The following SPTLC3 variants were observed in gnomAD, a reference collection of about 807,000 sequenced individuals.
SPTLC3 encodes serine palmitoyltransferase 3.
In SPTLC3, 36 loss-of-function variants were observed where a neutral mutation model predicts 59.3. That is an observed-to-expected ratio of 0.61 (90% CI 0.47 to 0.80). The LOEUF is 0.80. Ranked by LOEUF, SPTLC3 falls within the 30% of genes least tolerant of loss-of-function variation. The pLI is 0.00. For missense variants in SPTLC3, 625 were observed against 685.1 expected (o/e 0.91, Z 0.98); for synonymous variants, 257 against 240.8 (o/e 1.07, Z -0.62).
chr20:13,095,882 G>A (rs1568599528), intron 6 of SPTLC3, among the ~76,000 whole-genome samples: 1 of 152,104 alleles, frequency 6.6e-6, no homozygotes, highest in Non-Finnish European at 1.5e-5. Context: ...CATTTATTAA[G>A]TGTTTATTAT....
rs369015567 is a variant in SPTLC3 at position 13,141,073 on chromosome 20, A to C, written c.1280-12930A>C. ...ATAGGTTTAAAAAAAACAGGGACTA[A>C]GTGGGAAGATTTAGGGCATTGAGGG... On this transcript the variant is annotated intron_variant, in intron 9 of 11. Transcript: ENST00000399002. Among the ~76,000 whole-genome samples, 18 of 152,344 alleles carry C rather than the reference A, an allele frequency of 1.2e-4. No individual in the cohort carries two copies. The South Asian group carries it at 1.7e-3, about 14-fold the overall frequency.
chr20:13,055,321 T>TC (rs1373983209), intron 2 of SPTLC3, among the ~76,000 whole-genome samples: 8 of 151,992 alleles, frequency 5.3e-5, no homozygotes, highest in African/African-American at 1.9e-4. Flanking sequence ...GTTTCTCTGG[T>TC]CCTAGTAGAG....
At chr20:13,033,316 T>A (rs965336585) in intron 1 of SPTLC3, among the ~76,000 whole-genome samples, 1 of 152,146 alleles carries the variant, frequency 6.6e-6, no homozygotes, top group Non-Finnish European at 1.5e-5. Context: ...CTATTCATAA[T>A]AAATCTAATT....
At chr20:13,139,459 A>T (rs1042466147) in intron 9 of SPTLC3, among the ~76,000 whole-genome samples, 1 of 152,196 alleles carries the variant, frequency 6.6e-6, no homozygotes, top group Non-Finnish European at 1.5e-5. Context: ...TCTTCCAAGA[A>T]CCCAGCCTCC....
In SPTLC3 at chr20:13,064,989, T is replaced by C. The variant is rs1375731002; in HGVS notation, c.304-7267T>C. Among the ~76,000 whole-genome samples, 4 of 152,162 alleles carry C rather than the reference T, an allele frequency of 2.6e-5. No individual in the cohort carries two copies. In the South Asian group the frequency reaches 6.2e-4, roughly 24 times the overall value. ...ATTTTCTAGTTAGCTATTGATAACATATAGCAAAGCAATTGTTATTTTTAT... is the reference window on the plus strand; with the variant it reads ...ATTTTCTAGTTAGCTATTGATAACACATAGCAAAGCAATTGTTATTTTTAT... On this transcript the variant is annotated intron_variant, in intron 2 of 11. Coordinates refer to ENST00000399002, the MANE Select transcript of SPTLC3 (RefSeq NM_018327.4).
chr20:13,160,223 T>G lies in SPTLC3; in HGVS notation c.1545+91T>G, dbSNP rs1381974743. ...TTGAGACAGCTTGGGGTTCTCTGGG[T>G]TTCTCTTGGGTTATTTAGGAAAACA... On this transcript the variant is annotated intron_variant, in intron 11 of 11. Transcript: ENST00000399002. 1.2e-5 allele frequency: 17 copies of G among 1,446,376 alleles called. No individual in the cohort carries two copies. In the East Asian group the frequency reaches 3.6e-4, roughly 30 times the overall value. The allele number at this position is 1,446,376 out of a possible 1,614,324, so 89.6% of individuals were successfully genotyped here.
At chr20:13,148,475 A>G (rs1050255574) in intron 9 of SPTLC3, among the ~76,000 whole-genome samples, 1 of 152,230 alleles carries the variant, frequency 6.6e-6, no homozygotes, top group Admixed American at 6.5e-5. Context: ...CGGAGCATGT[A>G]GCTGTCGGGA....
At chr20:13,153,709 T>C (rs563345670) in intron 9 of SPTLC3, among the ~76,000 whole-genome samples, 8 of 152,260 alleles carry the variant, frequency 5.3e-5, no homozygotes, top group Non-Finnish European at 7.4e-5. Flanking sequence ...ACAGAGTCTA[T>C]ACAAAATAGA....
intron 9 of SPTLC3, among the ~76,000 whole-genome samples, chr20:13,130,856 C>CT (rs1192540605): frequency 6.6e-6 from 1 of 152,170 alleles, no homozygotes; most frequent in Non-Finnish European, 1.5e-5. Flanking sequence ...AAACTCAGTG[C>CT]TCAGCTTAAT....
intron 2 of SPTLC3, among the ~76,000 whole-genome samples, chr20:13,065,219 AT>A (rs1356675803): frequency 7.9e-5 from 12 of 151,218 alleles, no homozygotes; most frequent in Non-Finnish European, 1.6e-4. Flanking sequence ...ACTTTTTAAA[AT>A]AAATGTATAT....
intron 11 of SPTLC3, among the ~76,000 whole-genome samples, chr20:13,162,562 C>T (rs1343782073): frequency 6.6e-6 from 1 of 152,084 alleles, no homozygotes; most frequent in African/African-American, 2.4e-5. Flanking sequence ...CCTAAAGGCT[C>T]ATAGACTAGA....
chr20:13,103,515 T>C (rs1989700055), intron 6 of SPTLC3, among the ~76,000 whole-genome samples: 1 of 152,156 alleles, frequency 6.6e-6, no homozygotes, highest in Non-Finnish European at 1.5e-5. Context: ...GTGCCGCTGA[T>C]AGGCAGACAC....
chr20:13,030,214 T>C (rs943598872), intron 1 of SPTLC3, among the ~76,000 whole-genome samples: 5 of 152,194 alleles, frequency 3.3e-5, no homozygotes, highest in African/African-American at 4.8e-5. Context: ...CACACCACAC[T>C]GTGATGTCAA....
intron 9 of SPTLC3, among the ~76,000 whole-genome samples, chr20:13,148,880 C>T (rs1203322698): frequency 6.6e-6 from 1 of 152,186 alleles, no homozygotes; most frequent in African/African-American, 2.4e-5. Context: ...AATGGCAATT[C>T]CCCTTTCAAC....
At chr20:13,104,377 G>A (rs1435962098) in intron 6 of SPTLC3, among the ~76,000 whole-genome samples, 1 of 152,116 alleles carries the variant, frequency 6.6e-6, no homozygotes, top group Non-Finnish European at 1.5e-5. Context: ...TAAGTCTCAC[G>A]AGATCTAATG....
chr20:13,050,984 C>G (rs1188663195), intron 2 of SPTLC3: 2 of 152,020 alleles, frequency 1.3e-5, no homozygotes, highest in Non-Finnish European at 2.9e-5. Context: ...TCACGTGGGA[C>G]CTATTAAAAA....
chr20:13,049,151 G>T (rs1191392801), intron 2 of SPTLC3, 21 bp downstream of exon 2: 1 of 1,610,600 alleles, frequency 6.2e-7, no homozygotes. Context: ...GCACCTCCCT[G>T]GATCTTTGTC....
intron 4 of SPTLC3, among the ~76,000 whole-genome samples, chr20:13,080,232 A>G (rs3848772): frequency 0.27 from 41,745 of 151,960 alleles, 5,896 homozygotes; most frequent in Middle Eastern, 0.35. Flanking sequence ...AAACTTGGCC[A>G]GGTGCGGTGA....
chr20:13,164,026 G>A (rs962238736), intron 11 of SPTLC3, among the ~76,000 whole-genome samples: 1 of 152,016 alleles, frequency 6.6e-6, no homozygotes, highest in African/African-American at 2.4e-5. Flanking sequence ...TTAGCATTAG[G>A]TATATCTCCT....
Sources: gnomAD v4.1 joint callset for allele counts (sites outside exome capture counted in the v4.1 genomes callset) on GRCh38, gnomAD v4.1.1 for gene constraint, MANE v1.5 for transcripts, NCBI Gene and HGNC (gene_info 2026-07-23, HGNC 2026-07-21) for gene names.